The following NPAS3 variants were observed in gnomAD, a reference collection of about 807,000 sequenced individuals.
NPAS3 encodes neuronal PAS domain-containing protein 3.
NPAS3 carries 14 observed loss-of-function variants against 73.1 expected under a neutral mutation model. The observed-to-expected ratio is 0.19, with a 90% CI of 0.13 to 0.30. The LOEUF (loss-of-function observed/expected upper bound fraction) is 0.30, where lower values mean the gene tolerates loss of function less well. Among genes scored for constraint, NPAS3 ranks in the 10% least tolerant of loss-of-function variants. The probability of loss-of-function intolerance (pLI) is 1.00; values close to 1 mark genes in which losing one functional copy is unlikely to be tolerated. For missense variants in NPAS3, 1,096 were observed against 1,250.0 expected, an observed-to-expected ratio of 0.88 and a Z score of 1.86; for synonymous variants, 620 against 541.5, an observed-to-expected ratio of 1.14 and a Z score of -2.01.
chr14:33,351,897 G>T (rs564296923), intron 3 of NPAS3, among the ~76,000 whole-genome samples: 5 of 152,260 alleles, frequency 3.3e-5, no homozygotes, highest in Admixed American at 3.3e-4. Flanking sequence ...GGGCCTGTTG[G>T]TGGGTGGGGG....
At chr14:33,524,675 G>A (rs1204006942) in intron 4 of NPAS3, among the ~76,000 whole-genome samples, 1 of 152,156 alleles carries the variant, frequency 6.6e-6, no homozygotes, top group Non-Finnish European at 1.5e-5. Context: ...GAAATGTGTT[G>A]TCTCAGAATT....
At chr14:33,351,657 A>T (rs2045061821) in intron 3 of NPAS3, among the ~76,000 whole-genome samples, 1 of 152,242 alleles carries the variant, frequency 6.6e-6, no homozygotes, top group Non-Finnish European at 1.5e-5. Context: ...ACAAAAGATC[A>T]TTACACTCCA....
chr14:33,257,965 C>G (rs2048838350), intron 3 of NPAS3, among the ~76,000 whole-genome samples: 1 of 152,110 alleles, frequency 6.6e-6, no homozygotes, highest in African/African-American at 2.4e-5. Flanking sequence ...GAGATTTAAC[C>G]ACATTTTATA....
chr14:33,656,781 C>G (rs1437060183), intron 5 of NPAS3, among the ~76,000 whole-genome samples: 1 of 152,176 alleles, frequency 6.6e-6, no homozygotes, highest in Non-Finnish European at 1.5e-5. Context: ...TAACTGTAGT[C>G]TCCATGCTGT....
At chr14:33,374,376 G>C (rs1412896405) in intron 4 of NPAS3, among the ~76,000 whole-genome samples, 1 of 152,004 alleles carries the variant, frequency 6.6e-6, no homozygotes, top group African/African-American at 2.4e-5. Flanking sequence ...TTTGAAGATT[G>C]GTAAAGGGCA....
chr14:33,788,113 C>T (rs767017307), intron 9 of NPAS3, among the ~76,000 whole-genome samples: 7 of 152,244 alleles, frequency 4.6e-5, no homozygotes, highest in Admixed American at 3.9e-4. Flanking sequence ...GAAAGGGAAC[C>T]GGTGGCTACA....
Position 33,339,683 on chromosome 14 carries a change from C to T in NPAS3, c.386-27503C>T, listed in dbSNP as rs150979830. 4.5e-4 allele frequency among the ~76,000 whole-genome samples: 68 copies of T among 152,064 alleles called. No homozygotes were observed. In the East Asian group the frequency reaches 0.013, roughly 29 times the overall value. ...GGCTGATTTTAGTCCTGTCAAATGA[C>T]ATAAATAAATAATCAGCATGACAGT... On this transcript the variant is annotated intron_variant, in intron 3 of 11. Coordinates refer to ENST00000356141, the Ensembl canonical transcript of NPAS3.
At chr14:33,544,372 CA>C (rs2054683397) in intron 4 of NPAS3, among the ~76,000 whole-genome samples, 2 of 152,132 alleles carry the variant, frequency 1.3e-5, no homozygotes, top group South Asian at 4.2e-4. Context: ...CCCCCACCAC[CA>C]ATTTATATAT....
chr14:33,711,425 A>G (rs2060815283), intron 6 of NPAS3, among the ~76,000 whole-genome samples: 1 of 152,136 alleles, frequency 6.6e-6, no homozygotes, highest in Non-Finnish European at 1.5e-5. Flanking sequence ...AGACTATAAC[A>G]TAGAGAACTT....
At position 32,946,350 on chromosome 14, in the gene NPAS3, A is replaced by ACG. The variant is rs1220831519; in HGVS notation, c.50+6985_50+6986insGC. On this transcript the variant is annotated intron_variant, in intron 1 of 11. Transcript: ENST00000356141. Reference sequence around the variant, plus strand: ...ATCCCCCCAACACACACACACGCGCACACACACACACACACACACACACAC... The same window carrying ACG: ...ATCCCCCCAACACACACACACGCGCACGCACACACACACACACACACACACAC... 1.8e-4 allele frequency among the ~76,000 whole-genome samples: 15 copies of ACG among 82,734 alleles called. No individual in the cohort carries two copies. The East Asian group carries it at 1.9e-3, about 11-fold the overall frequency. 54.3% of individuals were successfully genotyped at this position (82,734 alleles called of 152,430 possible). A position where few individuals can be genotyped will look rare whatever the true frequency, so the allele number is the denominator to read the frequency against.
intron 3 of NPAS3, among the ~76,000 whole-genome samples, chr14:33,241,623 C>T (rs183298178): frequency 2.0e-5 from 3 of 151,972 alleles, no homozygotes; most frequent in Admixed American, 6.6e-5. Context: ...TTAGTCTAGT[C>T]TCCCTCTGTA....
chr14:33,791,633 A>G (rs958364538), intron 9 of NPAS3, among the ~76,000 whole-genome samples: 3 of 152,212 alleles, frequency 2.0e-5, no homozygotes, highest in South Asian at 4.1e-4. Context: ...TATTAAGAGA[A>G]AGTATTATCA....
chr14:33,286,338 C>T (rs996177480), intron 3 of NPAS3, among the ~76,000 whole-genome samples: 16 of 152,216 alleles, frequency 1.1e-4, no homozygotes, highest in Non-Finnish European at 1.9e-4. Context: ...AGTTATATCG[C>T]ATTATGTGAA....
chr14:32,967,138 A>C (rs76052710), intron 1 of NPAS3, among the ~76,000 whole-genome samples: 30,379 of 152,062 alleles, frequency 0.2, 3,390 homozygotes, highest in Middle Eastern at 0.38. Flanking sequence ...CAGCAAGACC[A>C]ACCCCTCCTC....
At chr14:33,523,383 G>A (rs1036163884) in intron 4 of NPAS3, among the ~76,000 whole-genome samples, 1 of 150,144 alleles carries the variant, frequency 6.7e-6, no homozygotes, top group African/African-American at 2.5e-5. Context: ...ACTGGCCCAG[G>A]CAAGGTTGCA....
chr14:33,069,364 T>C (rs986117938), intron 2 of NPAS3, among the ~76,000 whole-genome samples: 1 of 152,198 alleles, frequency 6.6e-6, no homozygotes, highest in African/African-American at 2.4e-5. Flanking sequence ...CTCAATAACA[T>C]TGCAAGTTCC....
At chr14:33,642,047 C>T (rs1379046891) in intron 5 of NPAS3, among the ~76,000 whole-genome samples, 1 of 151,958 alleles carries the variant, frequency 6.6e-6, no homozygotes, top group Non-Finnish European at 1.5e-5. Context: ...TTTATCATGT[C>T]GATAGATAGA....
chr14:33,701,274 A>G (rs2060516741), intron 6 of NPAS3, among the ~76,000 whole-genome samples: 1 of 152,248 alleles, frequency 6.6e-6, no homozygotes, highest in South Asian at 2.1e-4. Context: ...CAAATGAGAA[A>G]ACTTCAAAAA....
intron 3 of NPAS3, among the ~76,000 whole-genome samples, chr14:33,347,845 T>C (rs373579506): frequency 1.3e-4 from 20 of 152,168 alleles, no homozygotes; most frequent in East Asian, 7.7e-4. Flanking sequence ...GAAAAGTCTG[T>C]ACATGTTTAG....
Sources: allele counts gnomAD v4.1 joint callset (sites outside exome capture counted in the v4.1 genomes callset), GRCh38; gene constraint gnomAD v4.1.1; transcripts MANE v1.5; gene names NCBI Gene and HGNC (gene_info 2026-07-23, HGNC 2026-07-21).